The following CSMD1 variants were observed in gnomAD, a reference collection of about 807,000 sequenced individuals.
CSMD1 encodes the protein CUB and sushi domain-containing protein 1.
In CSMD1, 213 loss-of-function variants were observed where a neutral mutation model predicts 417.5. That is an observed-to-expected ratio of 0.51 (90% CI 0.46 to 0.57). The LOEUF (loss-of-function observed/expected upper bound fraction) is 0.57. Among genes scored for constraint, CSMD1 ranks in the 20% least tolerant of loss-of-function variants. The pLI, the probability that CSMD1 is intolerant of heterozygous loss-of-function variation, is 0.00. For missense variants in CSMD1, 6,923 were observed against 4,529.7 expected, an observed-to-expected ratio of 1.53 and a Z score of -15.17; for synonymous variants, 2,862 against 1,736.8, an observed-to-expected ratio of 1.65 and a Z score of -16.11.
intron 5 of CSMD1, among the ~76,000 whole-genome samples, chr8:3,916,187 C>G (rs374357560): frequency 1.3e-5 from 2 of 151,976 alleles, no homozygotes; most frequent in Non-Finnish European, 2.9e-5. Context: ...GACAACAATA[C>G]AATGATGAAG....
chr8:4,828,313 C>G (rs535873522), intron 1 of CSMD1, among the ~76,000 whole-genome samples: 2 of 152,260 alleles, frequency 1.3e-5, no homozygotes, highest in African/African-American at 4.8e-5. Flanking sequence ...AATGTGCTGA[C>G]TTTTCTTATA....
intron 5 of CSMD1, among the ~76,000 whole-genome samples, chr8:3,838,007 C>T (rs1036773732): frequency 2.0e-5 from 3 of 152,010 alleles, no homozygotes; most frequent in Non-Finnish European, 4.4e-5. Context: ...CTGATGCCCT[C>T]CCCAACTAAT....
chr8:4,356,449 CT>C (rs1000161955), intron 3 of CSMD1, among the ~76,000 whole-genome samples: 17 of 152,098 alleles, frequency 1.1e-4, no homozygotes, highest in African/African-American at 4.1e-4. Context: ...TACAAGTATC[CT>C]TTTCGTGTAA....
intron 3 of CSMD1, among the ~76,000 whole-genome samples, chr8:4,357,888 G>A (rs549455065): frequency 2.4e-4 from 36 of 152,072 alleles, no homozygotes; most frequent in East Asian, 1.4e-3. Context: ...AATCATAGAC[G>A]TATAATTGTA....
chr8:4,972,349 G>A (rs368209924), intron 1 of CSMD1, among the ~76,000 whole-genome samples: 10 of 152,208 alleles, frequency 6.6e-5, no homozygotes, highest in East Asian at 1.9e-4. Context: ...GGGGGAGACC[G>A]GGTGCAGGTA....
chr8:4,647,504 G>C (rs375077161), intron 1 of CSMD1, among the ~76,000 whole-genome samples: 7 of 150,152 alleles, frequency 4.7e-5, no homozygotes, highest in East Asian at 3.9e-4. Flanking sequence ...TGTTACGTAG[G>C]TACGCGTGTG....
chr8:4,465,893 G>A (rs926355048), intron 2 of CSMD1, among the ~76,000 whole-genome samples: 3 of 152,260 alleles, frequency 2.0e-5, no homozygotes. Context: ...CTGACTCACT[G>A]CACTAACAAA....
At chr8:4,048,325 C>T (rs1798254647) in intron 3 of CSMD1, among the ~76,000 whole-genome samples, 2 of 152,156 alleles carry the variant, frequency 1.3e-5, no homozygotes, top group Non-Finnish European at 2.9e-5. Context: ...GGGAGTCTTT[C>T]ATTTATTCAA....
chr8:4,115,981 T>G, intron 3 of CSMD1, among the ~76,000 whole-genome samples: 1 of 85,232 alleles, frequency 1.2e-5, no homozygotes. Flanking sequence ...TATTTATTTA[T>G]TTATTTATTT....
chr8:4,456,470 C>A (rs528523682), intron 2 of CSMD1, among the ~76,000 whole-genome samples: 21 of 152,236 alleles, frequency 1.4e-4, no homozygotes, highest in African/African-American at 5.1e-4. Flanking sequence ...AAATCACCAA[C>A]AGACAGGGAA....
chr8:3,368,675 G>A (rs1217446914), intron 19 of CSMD1, among the ~76,000 whole-genome samples: 1 of 152,076 alleles, frequency 6.6e-6, no homozygotes, highest in Admixed American at 6.6e-5. Flanking sequence ...TTTAGTCACA[G>A]AAAAAAGTTT....
intron 3 of CSMD1, among the ~76,000 whole-genome samples, chr8:4,173,879 G>A (rs1386171634): frequency 6.6e-6 from 1 of 152,146 alleles, no homozygotes; most frequent in Non-Finnish European, 1.5e-5. Context: ...CGGGTTTGAA[G>A]TGGCAGCTGA....
At chr8:3,385,090 TAAAA>T (rs2116797380) in intron 18 of CSMD1, among the ~76,000 whole-genome samples, 1 of 97,906 alleles carries the variant, frequency 1.0e-5, no homozygotes, top group South Asian at 3.8e-4. Context: ...AATTTATATA[TAAAA>T]TATATATATA....
At chr8:4,680,723 G>A (rs1419137330) in intron 1 of CSMD1, among the ~76,000 whole-genome samples, 1 of 152,006 alleles carries the variant, frequency 6.6e-6, no homozygotes, top group Admixed American at 6.6e-5. Context: ...GGGATTACAG[G>A]TGAGGCCCAC....
intron 5 of CSMD1, among the ~76,000 whole-genome samples, chr8:3,980,716 G>A (rs913279840): frequency 2.6e-5 from 4 of 152,174 alleles, no homozygotes; most frequent in South Asian, 2.1e-4. Flanking sequence ...GATGTGACAA[G>A]AAGTAAGAAG....
chr8:4,716,260 G>A (rs1211164593), intron 1 of CSMD1, among the ~76,000 whole-genome samples: 2 of 152,120 alleles, frequency 1.3e-5, no homozygotes. Flanking sequence ...TCAAGACAAT[G>A]CCAGCTCTTC....
chr8:3,243,178 T>C (rs1450762271), intron 26 of CSMD1, among the ~76,000 whole-genome samples: 2 of 151,952 alleles, frequency 1.3e-5, no homozygotes, highest in African/African-American at 4.8e-5. Flanking sequence ...CTTACCCGAT[T>C]TAAAATTGGT....
At chr8:4,130,515 T>C (rs761907251) in intron 3 of CSMD1, among the ~76,000 whole-genome samples, 3 of 152,226 alleles carry the variant, frequency 2.0e-5, no homozygotes, top group Non-Finnish European at 2.9e-5. Context: ...CTTGGCTTTC[T>C]GAAGTTTTGC....
At chr8:3,658,739 T>G (rs1798257327) in intron 7 of CSMD1, among the ~76,000 whole-genome samples, 1 of 152,116 alleles carries the variant, frequency 6.6e-6, no homozygotes, top group South Asian at 2.1e-4. Flanking sequence ...GCCAAGATCG[T>G]GCCACTGAAC....
Sources: allele counts gnomAD v4.1 joint callset (sites outside exome capture counted in the v4.1 genomes callset), GRCh38; gene constraint gnomAD v4.1.1; transcripts MANE v1.5; gene names NCBI Gene and HGNC (gene_info 2026-07-23, HGNC 2026-07-21).